CEP112: variants seen among roughly 807,000 people sequenced by gnomAD.
CEP112 encodes the protein centrosomal protein of 112 kDa.
CEP112 carries 127 observed loss-of-function variants against 153.0 expected under a neutral mutation model. That is an observed-to-expected ratio of 0.83 (90% CI 0.72 to 0.96). CEP112 has a LOEUF of 0.96. CEP112 is among the 40% of genes least tolerant of loss of function. CEP112 has a pLI of 0.00. For missense variants in CEP112, 1,089 were observed against 1,101.2 expected, an observed-to-expected ratio of 0.99 and a Z score of 0.16; for synonymous variants, 358 against 374.4, an observed-to-expected ratio of 0.96 and a Z score of 0.51.
At chr17:65,734,873 T>C (rs1267420360) in intron 23 of CEP112, among the ~76,000 whole-genome samples, 1 of 152,214 alleles carries the variant, frequency 6.6e-6, no homozygotes, top group Non-Finnish European at 1.5e-5. Context: ...TGAAACTCTA[T>C]CAGTGAGCTT....
intron 21 of CEP112, among the ~76,000 whole-genome samples, chr17:65,838,872 T>C (rs2057414926): frequency 6.6e-6 from 1 of 152,030 alleles, no homozygotes; most frequent in Non-Finnish European, 1.5e-5. Context: ...TATAAACATC[T>C]ACACGCCAAC....
chr17:65,804,865 ATT>A (rs558599675), intron 21 of CEP112, among the ~76,000 whole-genome samples: 1 of 144,968 alleles, frequency 6.9e-6, no homozygotes, highest in Admixed American at 6.9e-5. Flanking sequence ...TGTACAATTA[ATT>A]TTTTTTTTTT....
At chr17:65,970,204 A>T (rs2062624565) in intron 17 of CEP112, among the ~76,000 whole-genome samples, 1 of 54,632 alleles carries the variant, frequency 1.8e-5, no homozygotes, top group African/African-American at 4.7e-5. Flanking sequence ...TGCTGCATGC[A>T]TGTCATGCAT....
chr17:66,166,776 C>T (rs748771106), intron 4 of CEP112, among the ~76,000 whole-genome samples: 4 of 151,784 alleles, frequency 2.6e-5, no homozygotes, highest in Non-Finnish European at 4.4e-5. Flanking sequence ...TGGTGGCACA[C>T]GCCTGTAATC....
intron 24 of CEP112, among the ~76,000 whole-genome samples, chr17:65,658,998 A>G (rs1419871711): frequency 7.5e-6 from 1 of 133,326 alleles, no homozygotes; most frequent in African/African-American, 2.9e-5. Context: ...CCTGGGTGAC[A>G]GAGCGAGACT....
chr17:65,639,925 C>T (rs1390703857), intron 25 of CEP112, among the ~76,000 whole-genome samples: 5 of 147,130 alleles, frequency 3.4e-5, no homozygotes, highest in Non-Finnish European at 7.4e-5. Context: ...GCAACCTCCG[C>T]GTCCCAAGTT....
At chr17:65,669,663 G>C (rs552397457) in intron 24 of CEP112, among the ~76,000 whole-genome samples, 2 of 152,162 alleles carry the variant, frequency 1.3e-5, no homozygotes, top group Non-Finnish European at 2.9e-5. Context: ...CAGCACTTTG[G>C]GGGGCCAAGG....
intron 24 of CEP112, among the ~76,000 whole-genome samples, chr17:65,649,732 A>AG (rs1156487759): frequency 1.3e-4 from 19 of 151,700 alleles, no homozygotes; most frequent in African/African-American, 4.4e-4. Flanking sequence ...AAAAAAAAAA[A>AG]AAAGTGTGCC....
intron 19 of CEP112, among the ~76,000 whole-genome samples, chr17:65,907,083 A>C (rs1416265282): frequency 6.6e-6 from 1 of 152,208 alleles, no homozygotes; most frequent in Non-Finnish European, 1.5e-5. Flanking sequence ...TGAGAAAAGT[A>C]ACCAAATGAG....
At chr17:65,824,252 CACA>C (rs1005311205) in intron 21 of CEP112, among the ~76,000 whole-genome samples, 4 of 152,166 alleles carry the variant, frequency 2.6e-5, no homozygotes, top group African/African-American at 9.7e-5. Flanking sequence ...TACAGTGACA[CACA>C]ACAACATGAG....
chr17:65,937,296 A>G (rs1373646845), intron 18 of CEP112, among the ~76,000 whole-genome samples: 3 of 102,172 alleles, frequency 2.9e-5, no homozygotes, highest in Non-Finnish European at 3.9e-5. Flanking sequence ...AGTGAGGAGC[A>G]TCTCTGCCCG....
At position 65,924,732 on chromosome 17, in the gene CEP112, A is replaced by T. The variant is rs1296497154; in HGVS notation, c.1980+2850T>A. 2.0e-5 allele frequency among the ~76,000 whole-genome samples: 3 copies of T among 152,142 alleles called. No individual in the cohort carries two copies. In the South Asian group the frequency reaches 6.2e-4, roughly 32 times the overall value. On this transcript the variant is annotated intron_variant, in intron 19 of 26. Coordinates refer to ENST00000535342, the MANE Select transcript of CEP112 (RefSeq NM_001199165.4). ...TTTACCAAAGCTAGACATTCCTTATAGGCCTTCTACTAGGACAAATGGGGA... is the reference window on the plus strand; with the variant it reads ...TTTACCAAAGCTAGACATTCCTTATTGGCCTTCTACTAGGACAAATGGGGA...
At chr17:65,903,569 T>C (rs1165307979) in intron 19 of CEP112, among the ~76,000 whole-genome samples, 1 of 152,218 alleles carries the variant, frequency 6.6e-6, no homozygotes, top group Non-Finnish European at 1.5e-5. Flanking sequence ...TCTGAAACTA[T>C]TCCAAACAGC....
rs575882914 is a variant in CEP112 at position 65,832,345 on chromosome 17, A to G, written c.2394+19459T>C. Among the ~76,000 whole-genome samples, 110 of 152,094 alleles carry G rather than the reference A, an allele frequency of 7.2e-4. 1 individual carries two copies. The highest frequency in any genetic ancestry group is 3.3e-4 in the Admixed American group (5 of 15,278). ...CAGAAGAGAAGAAATAACCAAAACG[A>G]GAGCTGAAATGAAGGAAACTGAGAC... is the stretch of plus-strand genomic sequence containing the variant. On this transcript the variant is annotated intron_variant, in intron 21 of 26. Transcript: ENST00000535342.
chr17:65,936,649 T>C (rs963475717), intron 18 of CEP112, among the ~76,000 whole-genome samples: 9 of 150,850 alleles, frequency 6.0e-5, no homozygotes, highest in African/African-American at 2.2e-4. Context: ...CAATAAATGT[T>C]AGACAACGCA....
intron 4 of CEP112, among the ~76,000 whole-genome samples, chr17:66,154,432 T>C: frequency 6.6e-6 from 1 of 151,884 alleles, no homozygotes; most frequent in East Asian, 1.9e-4. Context: ...GGAGAATCAC[T>C]TAAGCCCGGG....
chr17:66,168,433 G>T (rs960228344), intron 4 of CEP112, among the ~76,000 whole-genome samples: 1 of 146,990 alleles, frequency 6.8e-6, no homozygotes, highest in African/African-American at 2.5e-5. Context: ...GTATATATAT[G>T]TATATATATG....
chr17:66,073,707 A>T (rs1344650316), intron 8 of CEP112, among the ~76,000 whole-genome samples: 1 of 152,226 alleles, frequency 6.6e-6, no homozygotes, highest in Non-Finnish European at 1.5e-5. Context: ...TTTGTAAGAC[A>T]GGTCCCATGG....
At chr17:65,988,136 T>G (rs559848402) in intron 17 of CEP112, among the ~76,000 whole-genome samples, 3 of 152,236 alleles carry the variant, frequency 2.0e-5, no homozygotes, top group South Asian at 4.1e-4. Flanking sequence ...ATTTAGGACT[T>G]TCCATATTCA....
Sources: allele counts gnomAD v4.1 joint callset (sites outside exome capture counted in the v4.1 genomes callset), GRCh38; gene constraint gnomAD v4.1.1; transcripts MANE v1.5; gene names NCBI Gene and HGNC (gene_info 2026-07-23, HGNC 2026-07-21).